PTPMT1: variants seen among roughly 807,000 people sequenced by gnomAD.
PTPMT1 encodes protein tyrosine phosphatase mitochondrial 1, also known as phosphatidylglycerophosphatase and protein-tyrosine phosphatase 1.
In PTPMT1, 12 loss-of-function variants were observed where a neutral mutation model predicts 17.8. The ratio of observed to expected loss-of-function variants is 0.67; its 90% CI spans 0.43 to 1.09. The LOEUF is 1.09. Among genes scored for constraint, PTPMT1 ranks in the 50% least tolerant of loss-of-function variants. PTPMT1 has a pLI of 0.00. For synonymous variants in PTPMT1, 132 were observed against 116.8 expected (o/e 1.13, Z -0.84); for missense variants, 262 against 266.0 (o/e 0.99, Z 0.10).
At chr11:47,566,857 T>A (rs1376362420) in intron 2 of PTPMT1, among the ~76,000 whole-genome samples, 1 of 152,188 alleles carries the variant, frequency 6.6e-6, no homozygotes, top group Non-Finnish European at 1.5e-5. Context: ...AGTTCTCTCA[T>A]AACAAAGTTT....
Position 47,565,946 on chromosome 11 carries a change from A to C in PTPMT1, c.215A>C (p.Asn72Thr). 6.2e-7 allele frequency: 1 copy of C among 1,607,316 alleles called. No individual in the cohort carries two copies. The highest frequency in any genetic ancestry group is 8.5e-7 in the Non-Finnish European group (1 of 1,177,358). The change falls in exon 2 of 4, where the codon AAC becomes ACC. Residue 72 changes from asparagine (N) to threonine (T), a missense_variant. Physicochemically the swap from Asn to Thr is moderately conservative, Grantham distance 65. Transcript: ENST00000326674. ...DENVRGVITM[N>T]EEYETRFLCN... ...AACGTGCGCGGGGTGATCACCATGA[A>C]CGAGGAGTACGAGACGAGGTTCCTG... is the stretch of plus-strand genomic sequence containing the variant.
chr11:47,566,312 C>T (rs2097244210), intron 2 of PTPMT1, among the ~76,000 whole-genome samples: 1 of 152,054 alleles, frequency 6.6e-6, no homozygotes, highest in Admixed American at 6.5e-5. Flanking sequence ...GCGAGGCCCC[C>T]GTCCCTACAA....
chr11:47,565,793 C>A lies in PTPMT1; in HGVS notation c.171C>A (p.Arg57=), dbSNP rs562841155. Residue 57 remains arginine, a synonymous_variant, in exon 1 of 4, where the codon CGC becomes CGA. Transcript: ENST00000326674. The part of the protein sequence containing the change: ...LGALPLRSLT[R]QLVQDENVRG... ...CGCTGCCGTTGCGGAGCTTGACGCGCCAGGTGAGCCGGGCCGGGGAGCCCG... is the reference window on the plus strand; with the variant it reads ...CGCTGCCGTTGCGGAGCTTGACGCGACAGGTGAGCCGGGCCGGGGAGCCCG... 1.0e-4 allele frequency: 162 copies of A among 1,589,604 alleles called. 1 individual carries two copies. In the East Asian group the frequency reaches 2.9e-3, roughly 29 times the overall value.
rs957927279 is a variant in PTPMT1, at chr11:47,573,283, A to T, written c.*1654A>T. The stretch of plus-strand genomic sequence containing the variant: ...CATTTGTCTGTCTCTGTGTCAAAGC[A>T]CTGGATGAGTCGGGAAGGTTTGGTA... On this transcript the variant is annotated 3_prime_UTR_variant, in exon 4 of 4. Coordinates refer to ENST00000326674, the MANE Select transcript of PTPMT1 (RefSeq NM_175732.3). The surrounding 1 kb of genome is among the most constrained non-coding windows in gnomAD (Gnocchi z 4.1). The T allele has an allele frequency of 6.2e-7, 1 of 1,614,016 alleles. No individual in the cohort carries two copies. The highest frequency in any genetic ancestry group is 1.3e-5 in the African/African-American group (1 of 74,894).
intron 2 of PTPMT1, 97 bp downstream of exon 2, chr11:47,566,083 A>G: frequency 7.4e-7 from 1 of 1,344,214 alleles, no homozygotes; most frequent in Non-Finnish European, 9.9e-7. Context: ...GGAGGTCACC[A>G]TGCACCGGAG....
chr11:47,569,160 C>T (rs1379405320), intron 2 of PTPMT1, among the ~76,000 whole-genome samples: 2 of 151,384 alleles, frequency 1.3e-5, no homozygotes, highest in African/African-American at 2.4e-5. Flanking sequence ...CTGAGGCAGG[C>T]GGATGACCTG....
At chr11:47,568,066 C>T (rs1013127594) in intron 2 of PTPMT1, among the ~76,000 whole-genome samples, 1 of 151,960 alleles carries the variant, frequency 6.6e-6, no homozygotes, top group African/African-American at 2.4e-5. Context: ...ACTACAGGCG[C>T]CTGCCACCAT....
intron 2 of PTPMT1, among the ~76,000 whole-genome samples, chr11:47,568,496 C>T (rs866908235): frequency 9.9e-5 from 15 of 151,428 alleles, no homozygotes; most frequent in East Asian, 2.0e-4. Context: ...GGCAACATAG[C>T]GAGACCCCCA....
intron 2 of PTPMT1, among the ~76,000 whole-genome samples, chr11:47,566,489 C>CAAAAA (rs56146877): frequency 1.2e-3 from 143 of 120,496 alleles, no homozygotes; most frequent in African/African-American, 4.0e-3. Flanking sequence ...AACAATGTCT[C>CAAAAA]AAAAAAAAAA....
intron 2 of PTPMT1, among the ~76,000 whole-genome samples, chr11:47,566,984 C>G (rs1367093055): frequency 4.6e-5 from 7 of 152,006 alleles, no homozygotes; most frequent in African/African-American, 2.4e-5. Context: ...TAATGTTGCC[C>G]TATCTTTATA....
Position 47,573,353 on chromosome 11 carries a change from C to G in PTPMT1, c.*1724C>G. On this transcript the variant is annotated 3_prime_UTR_variant, in exon 4 of 4. Transcript: ENST00000326674. The surrounding 1 kb of genome is among the most constrained non-coding windows in gnomAD (Gnocchi z 4.1). ...CCTCCCCCCCTAGTAAGTAGATGAT[C>G]CCGTTGAGGTTGGCACCAGCAGCCC... 1 of 1,614,146 alleles carries G rather than the reference C, an allele frequency of 6.2e-7. No individual in the cohort carries two copies. The highest frequency in any genetic ancestry group is 1.3e-5 in the African/African-American group (1 of 75,026).
At chr11:47,566,118 T>C in intron 2 of PTPMT1, 132 bp downstream of exon 2, 3 of 1,023,252 alleles carry the variant, frequency 2.9e-6, no homozygotes, top group Non-Finnish European at 4.1e-6. Context: ...CTGCTTTGCC[T>C]CCGGTCTGTG....
chr11:47,568,156 G>A (rs1055110585), intron 2 of PTPMT1, among the ~76,000 whole-genome samples: 1 of 151,814 alleles, frequency 6.6e-6, no homozygotes, highest in East Asian at 2.0e-4. Flanking sequence ...TCCTGACCTC[G>A]TGATCCGCCC....
Position 47,572,754 on chromosome 11 carries a change from C to T in PTPMT1, c.*1125C>T, listed in dbSNP as rs2153793302. 6.1e-6 allele frequency: 4 copies of T among 655,508 alleles called. No homozygotes were observed. The highest frequency in any genetic ancestry group is 2.0e-5 in the South Asian group (1 of 48,950). 40.6% of individuals were successfully genotyped at this position (655,508 alleles called of 1,614,324 possible). ...CTGTCAGTTCAAGCAACCAGCTGAGCAGCAGCAGTCTAAAAAGCCCCAAAC... is the reference window on the plus strand; with the variant it reads ...CTGTCAGTTCAAGCAACCAGCTGAGTAGCAGCAGTCTAAAAAGCCCCAAAC... On this transcript the variant is annotated 3_prime_UTR_variant, in exon 4 of 4. Transcript: ENST00000326674.
At position 47,571,678 on chromosome 11, in the gene PTPMT1, A is replaced by T; in HGVS notation, c.*49A>T. On this transcript the variant is annotated 3_prime_UTR_variant, in exon 4 of 4. Coordinates refer to ENST00000326674, the MANE Select transcript of PTPMT1 (RefSeq NM_175732.3). ...AAGACACTCCTGCTTGATACAGAAC[A>T]AAAAGAGCTTAACAGGACCAACAGG... is the stretch of plus-strand genomic sequence containing the variant. 6.3e-7 allele frequency: 1 copy of T among 1,582,314 alleles called. No individual in the cohort carries two copies.
chr11:47,565,796 G>A lies in PTPMT1; in HGVS notation c.174G>A (p.Gln58=). 1 of 1,589,064 alleles carries A rather than the reference G, an allele frequency of 6.3e-7. No individual in the cohort carries two copies. Among genetic ancestry groups the A allele is most frequent in the Non-Finnish European group, 8.6e-7 (1 of 1,168,758 alleles). The part of the protein sequence containing the change: ...GALPLRSLTR[Q]LVQDENVRGV... Reference sequence around the variant, plus strand: ...TGCCGTTGCGGAGCTTGACGCGCCAGGTGAGCCGGGCCGGGGAGCCCGGGC... The same window carrying A: ...TGCCGTTGCGGAGCTTGACGCGCCAAGTGAGCCGGGCCGGGGAGCCCGGGC... Residue 58 remains glutamine, a splice_region_variant and synonymous_variant, in exon 1 of 4, where the codon CAG becomes CAA. Transcript: ENST00000326674.
rs1299586385 is a variant in PTPMT1 at position 47,573,255 on chromosome 11, T to C, written c.*1626T>C. ...AAAGGGCAGCACATAGGGCTTCACA[T>C]GGCATTTGTCTGTCTCTGTGTCAAA... is the stretch of plus-strand genomic sequence containing the variant. On this transcript the variant is annotated 3_prime_UTR_variant, in exon 4 of 4. Transcript: ENST00000326674. The surrounding 1 kb of genome is among the most constrained non-coding windows in gnomAD (Gnocchi z 4.1). 2.5e-6 allele frequency: 4 copies of C among 1,613,970 alleles called. No individual in the cohort carries two copies. Among genetic ancestry groups the C allele is most frequent in the African/African-American group, 1.3e-5 (1 of 74,880 alleles).
In PTPMT1 at chr11:47,569,669, C is replaced by T. The variant is rs371510835; in HGVS notation, c.256-31C>T. On this transcript the variant is annotated intron_variant, in intron 2 of 3. Coordinates refer to ENST00000326674, the MANE Select transcript of PTPMT1 (RefSeq NM_175732.3). ...CCCACCCACATAGTTTTTTTTCATT[C>T]TCTTTTTCATACTGGTGGACCTGGT... The T allele has an allele frequency of 2.3e-5, 36 of 1,546,090 alleles. No individual in the cohort carries two copies. In the Admixed American group the frequency reaches 2.7e-4, roughly 12 times the overall value.
In PTPMT1 at chr11:47,572,394, T is replaced by A. The variant is rs2097250579; in HGVS notation, c.*765T>A. On this transcript the variant is annotated 3_prime_UTR_variant, in exon 4 of 4. Coordinates refer to ENST00000326674, the MANE Select transcript of PTPMT1 (RefSeq NM_175732.3). ...AAAGTTACATTTCCTGACAGATGGA[T>A]AAGAAAACAATAGAAGGAACATCCT... 6.5e-6 allele frequency: 1 copy of A among 153,298 alleles called. No homozygotes were observed. Among genetic ancestry groups the A allele is most frequent in the Non-Finnish European group, 1.5e-5 (1 of 68,544 alleles). The allele number at this position is 153,298 out of a possible 1,614,324, so 9.5% of individuals were successfully genotyped here.
Sources: gnomAD v4.1 joint callset for allele counts (sites outside exome capture counted in the v4.1 genomes callset) on GRCh38, gnomAD v4.1.1 for gene constraint, Gnocchi (gnomAD v3.1) non-coding constraint, MANE v1.5 for transcripts, NCBI Gene and HGNC (gene_info 2026-07-23, HGNC 2026-07-21) for gene names.